The following NKAIN3 variants were observed in gnomAD, a reference collection of about 807,000 sequenced individuals.
NKAIN3 encodes the protein sodium/potassium transporting ATPase interacting 3.
A neutral mutation model predicts 30.2 loss-of-function variants in NKAIN3; 25 were observed. The ratio of observed to expected loss-of-function variants is 0.83; its 90% confidence interval spans 0.60 to 1.16. The LOEUF is 1.16. Among genes scored for constraint, NKAIN3 ranks in the 50% most tolerant of loss-of-function variants. The probability of loss-of-function intolerance (pLI) is 0.00; values close to 1 mark genes in which losing one functional copy is unlikely to be tolerated. For missense variants in NKAIN3, 225 were observed against 254.1 expected, an observed-to-expected ratio of 0.89 and a Z score of 0.78; for synonymous variants, 91 against 89.6, an observed-to-expected ratio of 1.02 and a Z score of -0.09.
intron 3 of NKAIN3, among the ~76,000 whole-genome samples, chr8:62,658,637 CAT>C (rs1812839306): frequency 6.6e-6 from 1 of 152,100 alleles, no homozygotes; most frequent in Non-Finnish European, 1.5e-5. Flanking sequence ...AGTGATTTAT[CAT>C]TGATGAAACA....
rs118185561 is a variant in NKAIN3 at position 62,322,600 on chromosome 8, A to T, written c.54+73473A>T. Among the ~76,000 whole-genome samples the T allele has an allele frequency of 2.1e-3, 326 of 152,314 alleles. 9 individuals carry two copies. In the East Asian group the frequency reaches 0.055, roughly 26 times the overall value. On this transcript the variant is annotated intron_variant, in intron 1 of 6. Coordinates refer to ENST00000623646, the MANE Select transcript of NKAIN3 (RefSeq NM_001304533.3). Reference sequence around the variant, plus strand: ...AAGCATTTCAGATAAGGGATACTCAACCTGTATTGGAAAACCATGTTAAAT... The same window carrying T: ...AAGCATTTCAGATAAGGGATACTCATCCTGTATTGGAAAACCATGTTAAAT...
chr8:62,936,668 A>T (rs2130877816), intron 5 of NKAIN3, among the ~76,000 whole-genome samples: 1 of 152,248 alleles, frequency 6.6e-6, no homozygotes, highest in South Asian at 2.1e-4. Flanking sequence ...TCCATCTTTA[A>T]TGTCCCTAAA....
At chr8:62,737,529 T>C (rs1815713252) in intron 3 of NKAIN3, among the ~76,000 whole-genome samples, 1 of 152,142 alleles carries the variant, frequency 6.6e-6, no homozygotes, top group South Asian at 2.1e-4. Flanking sequence ...TTGTTCTGAT[T>C]GTGCTTTGTC....
intron 3 of NKAIN3, among the ~76,000 whole-genome samples, chr8:62,729,044 A>C (rs1245699919): frequency 7.3e-5 from 9 of 123,532 alleles, no homozygotes; most frequent in African/African-American, 2.7e-4. Flanking sequence ...AAAAAACAAA[A>C]AAAAAAAACC....
chr8:62,672,787 CTA>C (rs757232377), intron 3 of NKAIN3, among the ~76,000 whole-genome samples: 7 of 152,158 alleles, frequency 4.6e-5, no homozygotes, highest in Non-Finnish European at 1.0e-4. Context: ...AGGATTTACT[CTA>C]TCTCTTTATA....
Position 62,249,089 on chromosome 8 carries a change from G to C in NKAIN3, c.16G>C (p.Gly6Arg). Residue 6 changes from glycine (G) to arginine (R), a missense_variant, in exon 1 of 7, where the codon GGA (glycine) becomes CGA (arginine). By Grantham distance (125) the Gly-to-Arg change is moderately radical. Coordinates refer to ENST00000623646, the MANE Select transcript of NKAIN3 (RefSeq NM_001304533.3). MGCCTGRCSLICLCAL... is the reference protein window; with the variant it reads MGCCTRRCSLICLCAL... Reference sequence around the variant, plus strand: ...CGCCGGCACCATGGGCTGCTGCACCGGACGCTGCTCGCTCATCTGCCTCTG... The same window carrying C: ...CGCCGGCACCATGGGCTGCTGCACCCGACGCTGCTCGCTCATCTGCCTCTG... 3 of 1,538,774 alleles carry C rather than the reference G, an allele frequency of 1.9e-6. No individual in the cohort carries two copies. The highest frequency in any genetic ancestry group is 2.6e-6 in the Non-Finnish European group (3 of 1,144,094).
At chr8:62,363,687 A>T (rs1451078760) in intron 1 of NKAIN3, among the ~76,000 whole-genome samples, 1 of 152,212 alleles carries the variant, frequency 6.6e-6, no homozygotes, top group Admixed American at 6.5e-5. Flanking sequence ...GAAAGGAGAA[A>T]TAATTTATAC....
chr8:62,905,953 C>A (rs1251252994), intron 4 of NKAIN3, among the ~76,000 whole-genome samples: 3 of 152,194 alleles, frequency 2.0e-5, no homozygotes, highest in African/African-American at 7.2e-5. Flanking sequence ...CTGAGAATTT[C>A]TCAGCGTTGT....
At chr8:62,931,011 G>A (rs1286983519) in intron 5 of NKAIN3, among the ~76,000 whole-genome samples, 1 of 152,140 alleles carries the variant, frequency 6.6e-6, no homozygotes, top group Admixed American at 6.5e-5. Context: ...TGAAACTTCA[G>A]TTACTATTCA....
chr8:62,765,180 G>A (rs1290353781), intron 4 of NKAIN3, among the ~76,000 whole-genome samples: 1 of 149,502 alleles, frequency 6.7e-6, no homozygotes, highest in African/African-American at 2.5e-5. Flanking sequence ...CCGGGAGGCG[G>A]AGGTTGCAGT....
At chr8:62,506,091 G>A (rs1807625513) in intron 1 of NKAIN3, among the ~76,000 whole-genome samples, 1 of 151,804 alleles carries the variant, frequency 6.6e-6, no homozygotes, top group African/African-American at 2.4e-5. Context: ...TGCTTTAAAG[G>A]ACTCATGTGA....
rs1188898880 is a variant in NKAIN3, at chr8:62,984,103, A to G, written c.*18696A>G. The G allele has an allele frequency of 6.6e-6, 1 of 152,192 alleles. No homozygotes were observed. Among genetic ancestry groups the G allele is most frequent in the Admixed American group, 6.5e-5 (1 of 15,282 alleles). The allele number at this position is 152,192 out of a possible 1,614,324, so 9.4% of individuals were successfully genotyped here. A position where few individuals can be genotyped will look rare whatever the true frequency, so the allele number is the denominator to read the frequency against. The stretch of plus-strand genomic sequence containing the variant: ...TCTAAAAACTAGATATTATTGCTTT[A>G]TTATTATGTTGATGATGATTATTGA... On this transcript the variant is annotated 3_prime_UTR_variant, in exon 7 of 7. Coordinates refer to ENST00000623646, the MANE Select transcript of NKAIN3 (RefSeq NM_001304533.3).
chr8:62,579,775 T>G (rs1213463807), intron 2 of NKAIN3, 99 bp downstream of exon 2: 5 of 618,492 alleles, frequency 8.1e-6, no homozygotes, highest in Non-Finnish European at 1.2e-5. Flanking sequence ...TGATATAATG[T>G]GGCATTGCTT....
chr8:62,877,130 C>T (rs549729532), intron 4 of NKAIN3, among the ~76,000 whole-genome samples: 1 of 152,148 alleles, frequency 6.6e-6, no homozygotes, highest in East Asian at 1.9e-4. Flanking sequence ...GTGCCAGCTC[C>T]CACAGTGTTG....
At chr8:62,857,153 G>A (rs970701774) in intron 4 of NKAIN3, 8 of 344,290 alleles carry the variant, frequency 2.3e-5, no homozygotes, top group South Asian at 1.3e-4. Context: ...CTTTAAGAAT[G>A]TTGAATATAG....
At position 62,983,463 on chromosome 8, in the gene NKAIN3, A is replaced by G. The variant is rs992027045; in HGVS notation, c.*18056A>G. 2 of 152,170 alleles carry G rather than the reference A, an allele frequency of 1.3e-5. No individual in the cohort carries two copies. Among genetic ancestry groups the G allele is most frequent in the Admixed American group, 6.5e-5 (1 of 15,272 alleles). 9.4% of individuals were successfully genotyped at this position (152,170 alleles called of 1,614,324 possible). A position where few individuals can be genotyped will look rare whatever the true frequency, so the allele number is the denominator to read the frequency against. Reference sequence around the variant, plus strand: ...CTGTCTCCCTAAGCATTCAACAAACACTTAGTGACCATCTGTCTTGTGCAA... The same window carrying G: ...CTGTCTCCCTAAGCATTCAACAAACGCTTAGTGACCATCTGTCTTGTGCAA... On this transcript the variant is annotated 3_prime_UTR_variant, in exon 7 of 7. Transcript: ENST00000623646.
At chr8:62,771,257 A>T (rs1816998887) in intron 4 of NKAIN3, among the ~76,000 whole-genome samples, 1 of 152,160 alleles carries the variant, frequency 6.6e-6, no homozygotes, top group Non-Finnish European at 1.5e-5. Context: ...GCAAGATCCC[A>T]TCTCCACAAA....
intron 1 of NKAIN3, among the ~76,000 whole-genome samples, chr8:62,488,693 A>G (rs1466192804): frequency 2.6e-5 from 4 of 152,194 alleles, no homozygotes; most frequent in Admixed American, 2.0e-4. Context: ...GTAGAATATT[A>G]TCAGTAGGAG....
rs1371660511 is a variant in NKAIN3 at position 62,508,773 on chromosome 8, T to TAC, written c.55-70764_55-70763dup. 7.2e-5 allele frequency among the ~76,000 whole-genome samples: 11 copies of TAC among 152,144 alleles called. No individual in the cohort carries two copies. In the South Asian group the frequency reaches 8.3e-4, roughly 11 times the overall value. On this transcript the variant is annotated intron_variant, in intron 1 of 6. Transcript: ENST00000623646. ...TGATAATTTAGCATGACATTTTTAATACATATTTTTAAGTTACAATTTATT... is the reference window on the plus strand; with the variant it reads ...TGATAATTTAGCATGACATTTTTAATACACATATTTTTAAGTTACAATTTATT...
Sources: gnomAD v4.1 joint callset for allele counts (sites outside exome capture counted in the v4.1 genomes callset) on GRCh38, gnomAD v4.1.1 for gene constraint, MANE v1.5 for transcripts, NCBI Gene and HGNC (gene_info 2026-07-23, HGNC 2026-07-21) for gene names.